Variants in BMPR1B observed in about 807,000 individuals in gnomAD.
The protein encoded by BMPR1B is bone morphogenetic protein receptor type 1B, also known as bone morphogenetic protein receptor type-1B.
A neutral mutation model predicts 59.1 loss-of-function variants in BMPR1B; 12 were observed. The ratio of observed to expected loss-of-function variants is 0.20; its 90% CI spans 0.13 to 0.33. BMPR1B has a LOEUF of 0.33. Ranked by LOEUF, BMPR1B falls within the 10% of genes least tolerant of loss-of-function variation. BMPR1B has a pLI of 1.00. For synonymous variants in BMPR1B, 237 were observed against 207.3 expected, an observed-to-expected ratio of 1.14 and a Z score of -1.23; for missense variants, 550 against 610.9, an observed-to-expected ratio of 0.90 and a Z score of 1.05.
chr4:94,866,241 C>G (rs1210361374), intron 1 of BMPR1B, among the ~76,000 whole-genome samples: 1 of 152,184 alleles, frequency 6.6e-6, no homozygotes, highest in Admixed American at 6.5e-5. Flanking sequence ...AGAGGATTAA[C>G]ATTTCTCTTC....
At chr4:94,971,273 A>G (rs773287874) in intron 2 of BMPR1B, among the ~76,000 whole-genome samples, 3 of 152,138 alleles carry the variant, frequency 2.0e-5, no homozygotes, top group Non-Finnish European at 4.4e-5. Flanking sequence ...GAGTAGGTCT[A>G]TTGCTTGGAA....
At chr4:94,938,487 T>C (rs1729399257) in intron 2 of BMPR1B, among the ~76,000 whole-genome samples, 2 of 151,700 alleles carry the variant, frequency 1.3e-5, no homozygotes, top group African/African-American at 4.8e-5. Flanking sequence ...AGAGCGAGAC[T>C]GTGTCTAAAA....
intron 1 of BMPR1B, among the ~76,000 whole-genome samples, chr4:94,833,443 T>A (rs1164475454): frequency 6.6e-6 from 1 of 152,170 alleles, no homozygotes; most frequent in Non-Finnish European, 1.5e-5. Context: ...TTTTCCACAC[T>A]TTTTTCTTTT....
chr4:95,151,474 C>T (rs1735038228), intron 11 of BMPR1B, among the ~76,000 whole-genome samples: 1 of 152,112 alleles, frequency 6.6e-6, no homozygotes, highest in Non-Finnish European at 1.5e-5. Context: ...AGGCCCTGTG[C>T]TTTTCTTATC....
intron 1 of BMPR1B, among the ~76,000 whole-genome samples, chr4:94,787,803 A>G (rs918015631): frequency 2.9e-5 from 3 of 104,212 alleles, no homozygotes; most frequent in African/African-American, 9.8e-5. Flanking sequence ...TTGCAATATC[A>G]ATGTGGTAAC....
intron 3 of BMPR1B, among the ~76,000 whole-genome samples, chr4:94,998,978 T>A (rs1722261290): frequency 6.6e-6 from 1 of 152,178 alleles, no homozygotes. Flanking sequence ...TTTTCTTGTA[T>A]CATTTATGCT....
At chr4:95,124,867 A>C (rs1397362995) in intron 7 of BMPR1B, 116 bp from the exon 8 acceptor site, 1 of 923,576 alleles carries the variant, frequency 1.1e-6, no homozygotes, top group East Asian at 2.6e-5. Context: ...TGAAGCATTT[A>C]ATGTATTATA....
intron 3 of BMPR1B, among the ~76,000 whole-genome samples, chr4:95,070,217 G>A (rs62316253): frequency 0.015 from 2,268 of 152,272 alleles, 30 homozygotes; most frequent in Non-Finnish European, 0.022. Context: ...AGGCTGTGCC[G>A]TCAATCAGGT....
chr4:95,019,541 C>T (rs565593460), intron 3 of BMPR1B, among the ~76,000 whole-genome samples: 26 of 152,256 alleles, frequency 1.7e-4, no homozygotes, highest in African/African-American at 6.0e-4. Context: ...TAGGTAAAAT[C>T]AGTTCACTGT....
At chr4:95,013,854 T>G (rs917556230) in intron 3 of BMPR1B, among the ~76,000 whole-genome samples, 11 of 152,328 alleles carry the variant, frequency 7.2e-5, no homozygotes, top group African/African-American at 2.6e-4. Context: ...TTGTGGAAAC[T>G]ACTGTCTTTT....
intron 2 of BMPR1B, among the ~76,000 whole-genome samples, chr4:94,935,578 A>G (rs750070050): frequency 8.5e-5 from 13 of 152,198 alleles, no homozygotes; most frequent in Non-Finnish European, 1.8e-4. Context: ...AATGAAACAG[A>G]GTAAAAGGAC....
chr4:94,953,861 G>C (rs1323806389), intron 2 of BMPR1B, among the ~76,000 whole-genome samples: 1 of 152,030 alleles, frequency 6.6e-6, no homozygotes, highest in African/African-American at 2.4e-5. Flanking sequence ...TTTCCAACTT[G>C]GTTCCATTCT....
chr4:95,095,988 AT>A (rs1730342346), intron 3 of BMPR1B, among the ~76,000 whole-genome samples: 1 of 151,556 alleles, frequency 6.6e-6, no homozygotes, highest in South Asian at 2.1e-4. Flanking sequence ...TTTTTGTAAC[AT>A]TGTACTCTTG....
At chr4:95,045,612 A>C (rs1725992401) in intron 3 of BMPR1B, among the ~76,000 whole-genome samples, 2 of 152,132 alleles carry the variant, frequency 1.3e-5, no homozygotes, top group Non-Finnish European at 2.9e-5. Context: ...CTTATCTTTG[A>C]AGACCCAGTT....
intron 3 of BMPR1B, among the ~76,000 whole-genome samples, chr4:95,031,983 A>G (rs1724893363): frequency 6.6e-6 from 1 of 152,156 alleles, no homozygotes; most frequent in African/African-American, 2.4e-5. Flanking sequence ...CATTTATGTT[A>G]CAGTAGTATT....
chr4:94,907,916 G>T (rs952620377), intron 2 of BMPR1B, among the ~76,000 whole-genome samples: 1 of 151,324 alleles, frequency 6.6e-6, no homozygotes, highest in East Asian at 2.0e-4. Flanking sequence ...CAGGTGTGGT[G>T]GCATGCACCT....
chr4:95,028,648 T>A (rs1423111960), intron 3 of BMPR1B, among the ~76,000 whole-genome samples: 7 of 152,174 alleles, frequency 4.6e-5, no homozygotes, highest in Non-Finnish European at 8.8e-5. Flanking sequence ...AATTGCTATC[T>A]CTTTACTTCT....
chr4:94,917,423 C>T (rs895580825), intron 2 of BMPR1B, among the ~76,000 whole-genome samples: 9 of 152,212 alleles, frequency 5.9e-5, no homozygotes, highest in Non-Finnish European at 1.2e-4. Flanking sequence ...CTTCCCAAAG[C>T]CTTGAGAGCC....
intron 2 of BMPR1B, among the ~76,000 whole-genome samples, chr4:94,896,747 T>C (rs1415504974): frequency 6.6e-6 from 1 of 152,044 alleles, no homozygotes; most frequent in Non-Finnish European, 1.5e-5. Context: ...CAAGCCTTTG[T>C]AGAAAATTAT....
Sources: gnomAD v4.1 joint callset for allele counts (sites outside exome capture counted in the v4.1 genomes callset) on GRCh38, gnomAD v4.1.1 for gene constraint, MANE v1.5 for transcripts, NCBI Gene and HGNC (gene_info 2026-07-23, HGNC 2026-07-21) for gene names.